The following TRIM3 variants were observed in gnomAD, a reference collection of about 807,000 sequenced individuals.
The protein encoded by TRIM3 is tripartite motif-containing protein 3.
TRIM3 carries 13 observed loss-of-function variants against 66.6 expected under a neutral mutation model. The ratio of observed to expected loss-of-function variants is 0.20; its 90% CI spans 0.13 to 0.31. TRIM3 has a LOEUF of 0.31. TRIM3 is among the 10% of genes least tolerant of loss of function. The probability of loss-of-function intolerance (pLI) is 1.00; values close to 1 mark genes in which losing one functional copy is unlikely to be tolerated. For synonymous variants in TRIM3, 406 were observed against 411.7 expected (o/e 0.99, Z 0.17); for missense variants, 711 against 1,020.4 (o/e 0.70, Z 4.13).
At chr11:6,464,563 C>CTGTT (rs1447325656) in intron 2 of TRIM3, among the ~76,000 whole-genome samples, 5 of 152,214 alleles carry the variant, frequency 3.3e-5, no homozygotes, top group African/African-American at 1.2e-4. Context: ...TTTCACTATA[C>CTGTT]TGTTAGCTCT....
At chr11:6,465,859 G>T in intron 1 of TRIM3, 127 bp from the exon 2 acceptor site, 1 of 753,646 alleles carries the variant, frequency 1.3e-6, no homozygotes, top group Non-Finnish European at 2.1e-6. Flanking sequence ...ACAGGGCAGT[G>T]ACTGGAAGGA....
At position 6,456,198 on chromosome 11, in the gene TRIM3, AAAC is replaced by A. The variant is rs1457582713; in HGVS notation, c.1430-26_1430-24del. The A allele has an allele frequency of 3.7e-6, 6 of 1,612,982 alleles. No individual in the cohort carries two copies. In the African/African-American group the frequency reaches 5.3e-5, roughly 14 times the overall value. On this transcript the variant is annotated intron_variant, in intron 6 of 11. Transcript: ENST00000345851. This position sits in a 1 kb window ranked among gnomAD's most constrained non-coding sequence, Gnocchi z 6.4. Reference sequence around the variant, plus strand: ...TGCCTGTGGGAAGGGACAGGAGGGAAAACAAAATAATTCATTCAGAGGTCATCT... The same window carrying A: ...TGCCTGTGGGAAGGGACAGGAGGGAAAAAATAATTCATTCAGAGGTCATCT...
At chr11:6,467,642 G>A (rs1850520260) in intron 1 of TRIM3, among the ~76,000 whole-genome samples, 1 of 152,128 alleles carries the variant, frequency 6.6e-6, no homozygotes, top group African/African-American at 2.4e-5. Flanking sequence ...GCACACACCT[G>A]TAGTCCAGGC....
chr11:6,457,571 C>T lies in TRIM3; in HGVS notation c.516-95G>A. On this transcript the variant is annotated intron_variant, in intron 4 of 11. Coordinates refer to ENST00000345851, the MANE Select transcript of TRIM3 (RefSeq NM_033278.4). The surrounding 1 kb of genome is among the most constrained non-coding windows in gnomAD (Gnocchi z 4.5). ...AACCTACTGCTGCCCTCATGGAGAT[C>T]TCCTTCCTGAGACCTCCCTGAGACT... 6.4e-7 allele frequency: 1 copy of T among 1,553,306 alleles called. No individual in the cohort carries two copies. Among genetic ancestry groups the T allele is most frequent in the Non-Finnish European group, 8.7e-7 (1 of 1,145,564 alleles).
Position 6,450,232 on chromosome 11 carries a change from TTCTG to T in TRIM3, c.1941+315_1941+318del. 1 of 344,472 alleles carries T rather than the reference TTCTG, an allele frequency of 2.9e-6. No homozygotes were observed. Among genetic ancestry groups the T allele is most frequent in the Non-Finnish European group, 5.4e-6 (1 of 186,744 alleles). The allele number at this position is 344,472 out of a possible 1,614,324, so 21.3% of individuals were successfully genotyped here. On this transcript the variant is annotated intron_variant, in intron 10 of 11. Transcript: ENST00000345851. This position sits in a 1 kb window ranked among gnomAD's most constrained non-coding sequence, Gnocchi z 4.8. ...ATATAGTCTTTCCTGAATCATACACTTCTGTATCCCTTCCCACAGTTCCCTGCAC... is the reference window on the plus strand; with the variant it reads ...ATATAGTCTTTCCTGAATCATACACTTATCCCTTCCCACAGTTCCCTGCAC...
upstream of TRIM3, chr11:6,474,057 G>T (rs1167116126): frequency 2.2e-5 from 2 of 89,860 alleles, no homozygotes; most frequent in Non-Finnish European, 4.7e-5. Context: ...CACCCCGCCT[G>T]CCCACCCCTA....
chr11:6,466,059 G>C (rs549298449), intron 1 of TRIM3, among the ~76,000 whole-genome samples: 1 of 152,188 alleles, frequency 6.6e-6, no homozygotes. Context: ...CATAGTGCCT[G>C]TTGAGTGCAT....
chr11:6,450,315 C>G lies in TRIM3; in HGVS notation c.1941+236G>C. The G allele has an allele frequency of 1.8e-6, 1 of 543,378 alleles. No homozygotes were observed. The highest frequency in any genetic ancestry group is 1.9e-5 in the African/African-American group (1 of 52,984). 33.7% of individuals were successfully genotyped at this position (543,378 alleles called of 1,614,324 possible). A position where few individuals can be genotyped will look rare whatever the true frequency, so the allele number is the denominator to read the frequency against. On this transcript the variant is annotated intron_variant, in intron 10 of 11. Coordinates refer to ENST00000345851, the MANE Select transcript of TRIM3 (RefSeq NM_033278.4). This position sits in a 1 kb window ranked among gnomAD's most constrained non-coding sequence, Gnocchi z 4.8. ...ATTGTAATTTTTTGGTTACCTTTTT[C>G]TCTTCCCTACTAGACTATAATCAAG... is the stretch of plus-strand genomic sequence containing the variant.
rs533741821 is a variant in TRIM3 at position 6,451,412 on chromosome 11, C to G, written c.1560G>C (p.Lys520Asn). Reference sequence around the variant, plus strand: ...AGCGTCCTCGGACCCCAAAACGGAACTTGAACTGGCCCTCATTGGAGAAAA... The same window carrying G: ...AGCGTCCTCGGACCCCAAAACGGAAGTTGAACTGGCCCTCATTGGAGAAAA... ...IQVFSNEGQFKFRFGVRGRSP... is the reference protein window; with the variant it reads ...IQVFSNEGQFNFRFGVRGRSP... Residue 520 changes from lysine to asparagine, a missense_variant, in exon 8 of 12, where the codon AAG becomes AAC. Physicochemically the swap from Lys to Asn is moderately conservative, Grantham distance 94. This residue lies in a region of TRIM3 where 163 missense variants were observed against 321.9 expected (regional missense o/e 0.51). Transcript: ENST00000345851. The G allele has an allele frequency of 6.2e-7, 1 of 1,614,072 alleles. No homozygotes were observed. The highest frequency in any genetic ancestry group is 8.5e-7 in the Non-Finnish European group (1 of 1,180,032).
intron 7 of TRIM3, among the ~76,000 whole-genome samples, chr11:6,453,826 T>G (rs144893330): frequency 6.6e-6 from 1 of 152,220 alleles, no homozygotes; most frequent in Non-Finnish European, 1.5e-5. Flanking sequence ...AAAACGGTCA[T>G]GTCGTGAGGA....
intron 1 of TRIM3, among the ~76,000 whole-genome samples, chr11:6,467,397 G>T (rs941684420): frequency 2.0e-5 from 3 of 152,306 alleles, no homozygotes; most frequent in Admixed American, 6.5e-5. Flanking sequence ...TTGGAGCCAA[G>T]TCAATAAAAG....
Position 6,456,865 on chromosome 11 carries a change from C to T in TRIM3, c.861G>A (p.Pro287=). 1 of 1,612,656 alleles carries T rather than the reference C, an allele frequency of 6.2e-7. No individual in the cohort carries two copies. The highest frequency in any genetic ancestry group is 8.5e-7 in the Non-Finnish European group (1 of 1,179,950). Residue 287 remains proline (P), a synonymous_variant, in exon 6 of 12, where the codon CCG becomes CCA. Coordinates refer to ENST00000345851, the MANE Select transcript of TRIM3 (RefSeq NM_033278.4). This position sits in a 1 kb window ranked among gnomAD's most constrained non-coding sequence, Gnocchi z 6.4. The part of the protein sequence containing the change: ...RLAALAAQAF[P]ERPHENAQLE... Reference sequence around the variant, plus strand: ...GCTGTGCATTCTCATGTGGCCGCTCCGGGAAGGCCTGTGCCGCCAATGCAG... The same window carrying T: ...GCTGTGCATTCTCATGTGGCCGCTCTGGGAAGGCCTGTGCCGCCAATGCAG...
chr11:6,457,266 A>G lies in TRIM3; in HGVS notation c.696+30T>C, dbSNP rs377655559. 5.0e-6 allele frequency: 8 copies of G among 1,610,498 alleles called. No individual in the cohort carries two copies. Among genetic ancestry groups the G allele is most frequent in the Non-Finnish European group, 6.8e-6 (8 of 1,177,904 alleles). ...GGCAATAACACCATCACAATGGACG[A>G]TGGTAGGAAAGGGTGAACACAAGAC... On this transcript the variant is annotated intron_variant, in intron 5 of 11. Transcript: ENST00000345851. The surrounding 1 kb of genome is among the most constrained non-coding windows in gnomAD (Gnocchi z 4.5).
At chr11:6,466,599 T>TC (rs1589837816) in intron 1 of TRIM3, among the ~76,000 whole-genome samples, 1 of 151,878 alleles carries the variant, frequency 6.6e-6, no homozygotes, top group Non-Finnish European at 1.5e-5. Flanking sequence ...CTGGGTTTTT[T>TC]TTTTTTTTTT....
At position 6,450,773 on chromosome 11, in the gene TRIM3, A is replaced by T; in HGVS notation, c.1870+119T>A. ...TTTCTGAGATGATAGGGCTAACGTAAGGGAAGTGGGATCTCCAGAGCCAAG... is the reference window on the plus strand; with the variant it reads ...TTTCTGAGATGATAGGGCTAACGTATGGGAAGTGGGATCTCCAGAGCCAAG... On this transcript the variant is annotated intron_variant, in intron 9 of 11. Coordinates refer to ENST00000345851, the MANE Select transcript of TRIM3 (RefSeq NM_033278.4). The surrounding 1 kb of genome is among the most constrained non-coding windows in gnomAD (Gnocchi z 4.8). 1 of 1,474,628 alleles carries T rather than the reference A, an allele frequency of 6.8e-7. No individual in the cohort carries two copies. Among genetic ancestry groups the T allele is most frequent in the Non-Finnish European group, 9.4e-7 (1 of 1,068,474 alleles). 91.3% of individuals were successfully genotyped at this position (1,474,628 alleles called of 1,614,324 possible). A position where few individuals can be genotyped will look rare whatever the true frequency, so the allele number is the denominator to read the frequency against.
chr11:6,464,897 G>T (rs1246202241), intron 2 of TRIM3, among the ~76,000 whole-genome samples: 1 of 141,554 alleles, frequency 7.1e-6, no homozygotes, highest in Non-Finnish European at 1.5e-5. Context: ...TGAGGCAGGA[G>T]AATTGGTTGA....
At chr11:6,464,642 G>C (rs1359021032) in intron 2 of TRIM3, among the ~76,000 whole-genome samples, 1 of 152,128 alleles carries the variant, frequency 6.6e-6, no homozygotes, top group South Asian at 2.1e-4. Context: ...TTCTATGCTT[G>C]TGTAACAATG....
In TRIM3 at chr11:6,449,582, G is replaced by T; in HGVS notation, c.1942-136C>A. 1.3e-6 allele frequency: 1 copy of T among 771,042 alleles called. No individual in the cohort carries two copies. Among genetic ancestry groups the T allele is most frequent in the Non-Finnish European group, 2.0e-6 (1 of 488,468 alleles). 47.8% of individuals were successfully genotyped at this position (771,042 alleles called of 1,614,324 possible). ...GCTACAGCCCAAATCTGCTTCATAG[G>T]CTTCACATCCATGTGCCCTACTGCC... On this transcript the variant is annotated intron_variant, in intron 10 of 11. Transcript: ENST00000345851. The surrounding 1 kb of genome is among the most constrained non-coding windows in gnomAD (Gnocchi z 5.3).
Position 6,456,750 on chromosome 11 carries a change from C to T in TRIM3, c.976G>A (p.Val326Met). 6.2e-7 allele frequency: 1 copy of T among 1,611,350 alleles called. No individual in the cohort carries two copies. Among genetic ancestry groups the T allele is most frequent in the Non-Finnish European group, 8.5e-7 (1 of 1,179,826 alleles). Residue 326 changes from valine to methionine, a missense_variant, in exon 6 of 12, where the codon GTG becomes ATG. Coordinates refer to ENST00000345851, the MANE Select transcript of TRIM3 (RefSeq NM_033278.4). This position sits in a 1 kb window ranked among gnomAD's most constrained non-coding sequence, Gnocchi z 6.4. ...TGGCGCAGGCCCTCTCCCGTGGCCA[C>T]CGTTTCGTGTGCAGTGGCGCTCGTG... ...LTTSATAHET[V>M]ATGEGLRQAL...
Sources: gnomAD v4.1 joint callset for allele counts (sites outside exome capture counted in the v4.1 genomes callset) on GRCh38, gnomAD v4.1.1 for gene constraint, gnomAD v4.1.1 regional missense constraint, Gnocchi (gnomAD v3.1) non-coding constraint, MANE v1.5 for transcripts, NCBI Gene and HGNC (gene_info 2026-07-23, HGNC 2026-07-21) for gene names.